The following XKR8 variants were observed in gnomAD, a reference collection of about 807,000 sequenced individuals.
XKR8 encodes XK-related protein 8.
Under a neutral mutation model 17.1 loss-of-function variants are expected in XKR8, and 10 were observed. That is an observed-to-expected ratio of 0.59 (90% CI 0.36 to 0.99). XKR8 has a LOEUF of 0.99. Ranked by LOEUF, XKR8 falls within the 50% of genes least tolerant of loss-of-function variation. The pLI, the probability that XKR8 is intolerant of heterozygous loss-of-function variation, is 0.01. For synonymous variants in XKR8, 213 were observed against 251.9 expected (o/e 0.85, Z 1.46); for missense variants, 411 against 515.6 (o/e 0.80, Z 1.96).
Position 27,963,489 on chromosome 1 carries a change from G to T in XKR8, c.294-8G>T. The stretch of plus-strand genomic sequence containing the variant: ...CTGGCCCTCTGGGCATTTGTGTGTG[G>T]TGCCTAGGTGCGTGCAGGAGCTGCG... On this transcript the variant is annotated splice_region_variant and splice_polypyrimidine_tract_variant and intron_variant, in intron 1 of 2. Transcript: ENST00000373884. 5 of 1,600,410 alleles carry T rather than the reference G, an allele frequency of 3.1e-6. No individual in the cohort carries two copies. Among genetic ancestry groups the T allele is most frequent in the Non-Finnish European group, 4.3e-6 (5 of 1,172,462 alleles).
chr1:27,966,395 TA>T lies in XKR8; in HGVS notation c.491-106del. 8.9e-7 allele frequency: 1 copy of T among 1,117,364 alleles called. No individual in the cohort carries two copies. The highest frequency in any genetic ancestry group is 1.3e-6 in the Non-Finnish European group (1 of 780,816). The allele number at this position is 1,117,364 out of a possible 1,614,324, so 69.2% of individuals were successfully genotyped here. The stretch of plus-strand genomic sequence containing the variant: ...TTTGCCTTCAACAAACGAGGGATTC[TA>T]ATACCTACCCCAGGGTTGCTGGGAG... On this transcript the variant is annotated intron_variant, in intron 2 of 2. Coordinates refer to ENST00000373884, the MANE Select transcript of XKR8 (RefSeq NM_018053.4). This position sits in a 1 kb window ranked among gnomAD's most constrained non-coding sequence, Gnocchi z 4.3.
rs1638438845 is a variant in XKR8, at chr1:27,960,242, T to G, written c.173T>G (p.Val58Gly). The G allele has an allele frequency of 6.6e-7, 1 of 1,526,162 alleles. No homozygotes were observed. The highest frequency in any genetic ancestry group is 1.4e-5 in the African/African-American group (1 of 71,662). 94.5% of individuals were successfully genotyped at this position (1,526,162 alleles called of 1,614,324 possible). The part of the protein sequence containing the change: ...LVLALLGLAS[V>G]ALQLFSWLWL... ...CTGGCGCTGCTGGGCCTGGCCTCCG[T>G]GGCGCTGCAGCTCTTCAGCTGGCTC... The change falls in exon 1 of 3, where the codon GTG becomes GGG. Residue 58 changes from valine (V) to glycine (G), a missense_variant. Coordinates refer to ENST00000373884, the MANE Select transcript of XKR8 (RefSeq NM_018053.4). The surrounding 1 kb of genome is among the most constrained non-coding windows in gnomAD (Gnocchi z 5.9).
intron 1 of XKR8, among the ~76,000 whole-genome samples, chr1:27,962,346 G>A (rs936515052): frequency 1.3e-5 from 2 of 152,134 alleles, no homozygotes; most frequent in African/African-American, 4.8e-5. Context: ...GGCTGACGTG[G>A]GTGGATCACT....
At chr1:27,964,852 C>T (rs12031718) in intron 2 of XKR8, among the ~76,000 whole-genome samples, 136,047 of 152,024 alleles carry the variant, frequency 0.89, 61,469 homozygotes, top group Non-Finnish European at 0.97. Flanking sequence ...CCTTTGCCTT[C>T]CTCCACCGCT....
Position 27,966,922 on chromosome 1 carries a change from GT to G in XKR8, c.911del (p.Val304GlyfsTer51). The G allele has an allele frequency of 6.2e-7, 1 of 1,614,182 alleles. No individual in the cohort carries two copies. The highest frequency in any genetic ancestry group is 8.5e-7 in the Non-Finnish European group (1 of 1,180,026). Reference protein sequence around the residue: ...SDSILLVATWVTHSSWLPSGI... With the variant: ...SDSILLVATWXTHSSWLPSGI... Reference sequence around the variant, plus strand: ...CAGCATTCTCCTGGTGGCCACCTGGGTGACTCATAGCTCCTGGCTGCCCAGC... The same window carrying G: ...CAGCATTCTCCTGGTGGCCACCTGGGGACTCATAGCTCCTGGCTGCCCAGC... On this transcript the variant is annotated frameshift_variant, in exon 3 of 3. Transcript: ENST00000373884. LOFTEE classifies it low-confidence loss of function (END_TRUNC). The surrounding 1 kb of genome is among the most constrained non-coding windows in gnomAD (Gnocchi z 4.3).
At position 27,960,344 on chromosome 1, in the gene XKR8, A is replaced by G; in HGVS notation, c.275A>G (p.Gln92Arg). ...TGCCTGGCGCTGCTGCATCTCCTGC[A>G]GCTGGGTTACCTGTACAGGTGAGTG... The part of the protein sequence containing the change: ...RRCLALLHLL[Q>R]LGYLYRCVQE... Residue 92 changes from glutamine (Q) to arginine (R), a missense_variant, in exon 1 of 3, where the codon CAG (glutamine) becomes CGG (arginine). Physicochemically the swap from Gln to Arg is conservative, Grantham distance 43. Transcript: ENST00000373884. This position sits in a 1 kb window ranked among gnomAD's most constrained non-coding sequence, Gnocchi z 5.9. 7.0e-7 allele frequency: 1 copy of G among 1,418,790 alleles called. No homozygotes were observed. Among genetic ancestry groups the G allele is most frequent in the Non-Finnish European group, 9.1e-7 (1 of 1,094,100 alleles). The allele number at this position is 1,418,790 out of a possible 1,614,324, so 87.9% of individuals were successfully genotyped here.
rs1274392903 is a variant in XKR8 at position 27,965,955 on chromosome 1, G to A, written c.491-548G>A. ...TTAGGGGTCAGTCCGATGGCCTCTG[G>A]TCTTGGAGGGGAGGGGAGGGGAGTG... On this transcript the variant is annotated intron_variant, in intron 2 of 2. Coordinates refer to ENST00000373884, the MANE Select transcript of XKR8 (RefSeq NM_018053.4). This position sits in a 1 kb window ranked among gnomAD's most constrained non-coding sequence, Gnocchi z 4.1. Among the ~76,000 whole-genome samples, 1 of 152,090 alleles carries A rather than the reference G, an allele frequency of 6.6e-6. No homozygotes were observed. Among genetic ancestry groups the A allele is most frequent in the Non-Finnish European group, 1.5e-5 (1 of 68,008 alleles).
rs1024035323 is a variant in XKR8, at chr1:27,967,808, G to A, written c.*608G>A. ...GTTAGATCCCAAATGCTAGAAGCCA[G>A]GGATGCCCAACTCTGGGTGGCCCCA... On this transcript the variant is annotated 3_prime_UTR_variant, in exon 3 of 3. Coordinates refer to ENST00000373884, the MANE Select transcript of XKR8 (RefSeq NM_018053.4). The surrounding 1 kb of genome is among the most constrained non-coding windows in gnomAD (Gnocchi z 4.3). The A allele has an allele frequency of 6.5e-6, 1 of 152,728 alleles. No individual in the cohort carries two copies. Among genetic ancestry groups the A allele is most frequent in the African/African-American group, 2.4e-5 (1 of 41,468 alleles). The allele number at this position is 152,728 out of a possible 1,614,324, so 9.5% of individuals were successfully genotyped here. A position where few individuals can be genotyped will look rare whatever the true frequency, so the allele number is the denominator to read the frequency against.
rs1219094887 is a variant in XKR8, at chr1:27,965,479, A to G, written c.491-1024A>G. Among the ~76,000 whole-genome samples, 3 of 152,174 alleles carry G rather than the reference A, an allele frequency of 2.0e-5. No individual in the cohort carries two copies. The highest frequency in any genetic ancestry group is 3.9e-4 in the East Asian group (2 of 5,172). On this transcript the variant is annotated intron_variant, in intron 2 of 2. Transcript: ENST00000373884. The surrounding 1 kb of genome is among the most constrained non-coding windows in gnomAD (Gnocchi z 4.1). ...CAGAGGTGGGTGGCATGTTACAGGG[A>G]TACCTGACACAGCTGAGTGGGTGGC...
At position 27,966,368 on chromosome 1, in the gene XKR8, G is replaced by C; in HGVS notation, c.491-135G>C. ...ACTCACTGGGTCTTCTCTAGCTGCA[G>C]ATTTGCCTTCAACAAACGAGGGATT... is the stretch of plus-strand genomic sequence containing the variant. On this transcript the variant is annotated intron_variant, in intron 2 of 2. Coordinates refer to ENST00000373884, the MANE Select transcript of XKR8 (RefSeq NM_018053.4). This position sits in a 1 kb window ranked among gnomAD's most constrained non-coding sequence, Gnocchi z 4.3. 1 of 806,064 alleles carries C rather than the reference G, an allele frequency of 1.2e-6. No homozygotes were observed. The highest frequency in any genetic ancestry group is 2.0e-6 in the Non-Finnish European group (1 of 511,324). The allele number at this position is 806,064 out of a possible 1,614,324, so 49.9% of individuals were successfully genotyped here. A position where few individuals can be genotyped will look rare whatever the true frequency, so the allele number is the denominator to read the frequency against.
chr1:27,964,420 A>T lies in XKR8; in HGVS notation c.490+727A>T, dbSNP rs551870949. Among the ~76,000 whole-genome samples the T allele has an allele frequency of 2.0e-5, 3 of 152,286 alleles. No homozygotes were observed. The South Asian group carries it at 6.2e-4, about 32-fold the overall frequency. On this transcript the variant is annotated intron_variant, in intron 2 of 2. Coordinates refer to ENST00000373884, the MANE Select transcript of XKR8 (RefSeq NM_018053.4). ...CATACGTTGGGAGGCCAAGGTGCAC[A>T]GGTCGCTTGAGGCCAGAGTTGGAGA...
In XKR8 at chr1:27,960,021, G is replaced by A. The variant is rs1638429366; in HGVS notation, c.-49G>A. ...TGCCTCGGCAACCCCGGGCCCTGAG[G>A]GCAGGCCCCAACCGCGGAGGAGCAG... On this transcript the variant is annotated 5_prime_UTR_variant, in exon 1 of 3. Transcript: ENST00000373884. This position sits in a 1 kb window ranked among gnomAD's most constrained non-coding sequence, Gnocchi z 5.9. 2 of 1,364,392 alleles carry A rather than the reference G, an allele frequency of 1.5e-6. No homozygotes were observed. Among genetic ancestry groups the A allele is most frequent in the Non-Finnish European group, 1.9e-6 (2 of 1,062,594 alleles). 84.5% of individuals were successfully genotyped at this position (1,364,392 alleles called of 1,614,324 possible).
rs2148687854 is a variant in XKR8 at position 27,966,543 on chromosome 1, A to T, written c.531A>T (p.Ala177=). The change falls in exon 3 of 3, where the codon GCA becomes GCT. Residue 177 remains alanine, a synonymous_variant. Coordinates refer to ENST00000373884, the MANE Select transcript of XKR8 (RefSeq NM_018053.4). The surrounding 1 kb of genome is among the most constrained non-coding windows in gnomAD (Gnocchi z 4.3). The part of the protein sequence containing the change: ...ICTSFLGISW[A]LLDYHRALRT... ...CATCCTTCCTGGGCATCTCGTGGGC[A>T]CTGCTCGACTACCACCGGGCCTTGC... is the stretch of plus-strand genomic sequence containing the variant. 2 of 1,613,904 alleles carry T rather than the reference A, an allele frequency of 1.2e-6. No individual in the cohort carries two copies. Among genetic ancestry groups the T allele is most frequent in the East Asian group, 4.5e-5 (2 of 44,858 alleles).
At chr1:27,962,832 ATCCTCTTGCCTTGGCCT>A (rs1638494582) in intron 1 of XKR8, among the ~76,000 whole-genome samples, 2 of 152,002 alleles carry the variant, frequency 1.3e-5, no homozygotes, top group African/African-American at 4.8e-5. Context: ...GCCTCCAGTG[ATCCTCTTGCCTTGGCCT>A]GTCAAAATGT....
intron 1 of XKR8, among the ~76,000 whole-genome samples, chr1:27,962,705 CGTCAGCCTCCTGA>C (rs1420095638): frequency 6.6e-6 from 1 of 150,982 alleles, no homozygotes; most frequent in African/African-American, 2.4e-5. Flanking sequence ...TGTCCTCCTG[CGTCAGCCTCCTGA>C]GTAGCTTGGA....
At position 27,965,793 on chromosome 1, in the gene XKR8, G is replaced by A. The variant is rs1191342646; in HGVS notation, c.491-710G>A. ...GAATGACTGCGGTGGACGGGGACAG[G>A]GGAGGAAGCAGTCGGGAGACGTGCC... On this transcript the variant is annotated intron_variant, in intron 2 of 2. Coordinates refer to ENST00000373884, the MANE Select transcript of XKR8 (RefSeq NM_018053.4). The surrounding 1 kb of genome is among the most constrained non-coding windows in gnomAD (Gnocchi z 4.1). 6.6e-6 allele frequency among the ~76,000 whole-genome samples: 1 copy of A among 152,180 alleles called. No homozygotes were observed. Among genetic ancestry groups the A allele is most frequent in the African/African-American group, 2.4e-5 (1 of 41,440 alleles).
rs536477802 is a variant in XKR8 at position 27,966,837 on chromosome 1, C to T, written c.825C>T (p.Asn275=). 1.5e-5 allele frequency: 24 copies of T among 1,613,884 alleles called. No individual in the cohort carries two copies. The Middle Eastern group carries it at 2.0e-3, about 133-fold the overall frequency. The change falls in exon 3 of 3, where the codon AAC becomes AAT. Residue 275 remains asparagine (N), a synonymous_variant. Coordinates refer to ENST00000373884, the MANE Select transcript of XKR8 (RefSeq NM_018053.4). This position sits in a 1 kb window ranked among gnomAD's most constrained non-coding sequence, Gnocchi z 4.3. ...CCATCCTCTATTTCTCCTGGTTCAA[C>T]GTGGCTGAGGGCCGCACCCGAGGCC... The part of the protein sequence containing the change: ...VATILYFSWF[N]VAEGRTRGRA...
rs3210305 is a variant in XKR8, at chr1:27,967,368, C to T, written c.*168C>T. 54 of 682,398 alleles carry T rather than the reference C, an allele frequency of 7.9e-5. 1 individual carries two copies. Among genetic ancestry groups the T allele is most frequent in the South Asian group, 2.6e-4 (11 of 41,902 alleles). The allele number at this position is 682,398 out of a possible 1,614,324, so 42.3% of individuals were successfully genotyped here. On this transcript the variant is annotated 3_prime_UTR_variant, in exon 3 of 3. Coordinates refer to ENST00000373884, the MANE Select transcript of XKR8 (RefSeq NM_018053.4). The surrounding 1 kb of genome is among the most constrained non-coding windows in gnomAD (Gnocchi z 4.3). ...CCGGGCACCAGGGATGGTGCTGAGT[C>T]GGGCAGAGGCCTCCTTTCAAGGAGT...
rs1291952870 is a variant in XKR8 at position 27,966,825 on chromosome 1, C to T, written c.813C>T (p.Phe271=). The T allele has an allele frequency of 7.4e-6, 12 of 1,613,836 alleles. No individual in the cohort carries two copies. Among genetic ancestry groups the T allele is most frequent in the Non-Finnish European group, 1.0e-5 (12 of 1,179,956 alleles). The change falls in exon 3 of 3, where the codon TTC becomes TTT. Residue 271 remains phenylalanine, a synonymous_variant. Coordinates refer to ENST00000373884, the MANE Select transcript of XKR8 (RefSeq NM_018053.4). The surrounding 1 kb of genome is among the most constrained non-coding windows in gnomAD (Gnocchi z 4.3). ...TGACGGTGGCCACCATCCTCTATTT[C>T]TCCTGGTTCAACGTGGCTGAGGGCC... ...YRVTVATILY[F]SWFNVAEGRT... is the part of the protein sequence containing the mutation.
Sources: allele counts gnomAD v4.1 joint callset (sites outside exome capture counted in the v4.1 genomes callset), GRCh38; gene constraint gnomAD v4.1.1; non-coding constraint Gnocchi (gnomAD v3.1); transcripts MANE v1.5; gene names NCBI Gene and HGNC (gene_info 2026-07-23, HGNC 2026-07-21).